RAPGEF4: variants seen among roughly 807,000 people sequenced by gnomAD.
RAPGEF4 encodes the protein Rap guanine nucleotide exchange factor 4.
In RAPGEF4, 66 loss-of-function variants were observed where a neutral mutation model predicts 147.9. That is an observed-to-expected ratio of 0.45 (90% CI 0.37 to 0.55). RAPGEF4 has a LOEUF of 0.55. RAPGEF4 is among the 20% of genes least tolerant of loss of function. RAPGEF4 has a pLI of 0.00. For missense variants in RAPGEF4, 1,071 were observed against 1,257.3 expected, an observed-to-expected ratio of 0.85 and a Z score of 2.24; for synonymous variants, 419 against 442.7, an observed-to-expected ratio of 0.95 and a Z score of 0.67.
intron 29 of RAPGEF4, among the ~76,000 whole-genome samples, chr2:173,037,165 G>A (rs1684134356): frequency 6.6e-6 from 1 of 152,188 alleles, no homozygotes; most frequent in African/African-American, 2.4e-5. Context: ...GTTCAGAGAA[G>A]GAACATGAAA....
intron 11 of RAPGEF4, 140 bp downstream of exon 11, chr2:172,983,720 T>C (rs1018164862): frequency 7.1e-7 from 1 of 1,412,242 alleles, no homozygotes; most frequent in Non-Finnish European, 9.2e-7. Flanking sequence ...TCTTACGAGA[T>C]GCTGAGGAAG....
At chr2:172,793,171 G>T (rs1055672483) in intron 1 of RAPGEF4, among the ~76,000 whole-genome samples, 3 of 152,152 alleles carry the variant, frequency 2.0e-5, no homozygotes, top group Non-Finnish European at 4.4e-5. Flanking sequence ...CCAAATGGCT[G>T]TTTTCCCGGT....
At chr2:172,979,943 G>C (rs370533520) in intron 10 of RAPGEF4, among the ~76,000 whole-genome samples, 10 of 152,340 alleles carry the variant, frequency 6.6e-5, no homozygotes, top group African/African-American at 2.2e-4. Context: ...CTTAAACTCG[G>C]GGGGCAGAGC....
Position 173,051,805 on chromosome 2 carries a change from C to T in RAPGEF4, c.*38C>T. 1 of 1,605,208 alleles carries T rather than the reference C, an allele frequency of 6.2e-7. No homozygotes were observed. The highest frequency in any genetic ancestry group is 8.5e-7 in the Non-Finnish European group (1 of 1,173,968). ...CCCAAAGCAACAGTTTGTCTCCAGT[C>T]CACAATCTTTCAAAAATGCCATTTA... On this transcript the variant is annotated 3_prime_UTR_variant, in exon 31 of 31. Transcript: ENST00000397081.
chr2:172,804,073 G>T (rs1313293121), intron 3 of RAPGEF4, among the ~76,000 whole-genome samples: 1 of 151,914 alleles, frequency 6.6e-6, no homozygotes, highest in Non-Finnish European at 1.5e-5. Flanking sequence ...GATTTGGGTG[G>T]GGACACAGCC....
rs117773833 is a variant in RAPGEF4 at position 172,846,848 on chromosome 2, A to G, written c.444+32423A>G. 6.8e-4 allele frequency among the ~76,000 whole-genome samples: 104 copies of G among 152,230 alleles called. 5 individuals are homozygous for G. The East Asian group carries it at 0.013, about 18-fold the overall frequency. The stretch of plus-strand genomic sequence containing the variant: ...GGTTTTTCAGTCTGCTCCCCTGACT[A>G]TGCCCCTCCACAGATGCTCTGTGCT... On this transcript the variant is annotated intron_variant, in intron 4 of 30. Transcript: ENST00000397081.
At position 173,027,038 on chromosome 2, in the gene RAPGEF4, A is replaced by G. The variant is rs1371947632; in HGVS notation, c.2380-43A>G. Reference sequence around the variant, plus strand: ...AATAGAGAAACCTGCTGGTGTTTTGATTTAAAAAAAAATAAGCAAAATTGT... The same window carrying G: ...AATAGAGAAACCTGCTGGTGTTTTGGTTTAAAAAAAAATAAGCAAAATTGT... On this transcript the variant is annotated intron_variant, in intron 24 of 30. Transcript: ENST00000397081. 3.3e-6 allele frequency: 5 copies of G among 1,512,728 alleles called. No individual in the cohort carries two copies. The Admixed American group carries it at 1.1e-4, about 33-fold the overall frequency. 93.7% of individuals were successfully genotyped at this position (1,512,728 alleles called of 1,614,324 possible).
At chr2:173,005,607 C>T (rs1694391680) in intron 17 of RAPGEF4, among the ~76,000 whole-genome samples, 1 of 144,618 alleles carries the variant, frequency 6.9e-6, no homozygotes, top group Non-Finnish European at 1.5e-5. Flanking sequence ...ACTGCAACCT[C>T]CGCCTCCTGG....
chr2:173,049,359 G>GTGGA (rs1685917433), intron 30 of RAPGEF4, among the ~76,000 whole-genome samples: 1 of 152,162 alleles, frequency 6.6e-6, no homozygotes, highest in Admixed American at 6.5e-5. Context: ...GGTGGTGGGG[G>GTGGA]TGGAGCTTTG....
At chr2:172,933,992 T>C (rs1440176439) in intron 6 of RAPGEF4, among the ~76,000 whole-genome samples, 1 of 152,138 alleles carries the variant, frequency 6.6e-6, no homozygotes. Flanking sequence ...AATCATTCTT[T>C]TTACAGTTTC....
intron 16 of RAPGEF4, among the ~76,000 whole-genome samples, chr2:172,997,913 C>T (rs1240281165): frequency 6.6e-6 from 1 of 152,134 alleles, no homozygotes; most frequent in East Asian, 1.9e-4. Context: ...TCATTTTATA[C>T]ATAGATTACC....
chr2:172,848,499 G>T (rs1170679882), intron 4 of RAPGEF4, among the ~76,000 whole-genome samples: 5 of 152,296 alleles, frequency 3.3e-5, no homozygotes, highest in South Asian at 2.1e-4. Context: ...TGTTCAAAGT[G>T]TTACTGTGTC....
intron 10 of RAPGEF4, among the ~76,000 whole-genome samples, chr2:172,974,288 A>C (rs566712421): frequency 6.6e-6 from 1 of 152,326 alleles, no homozygotes; most frequent in African/African-American, 2.4e-5. Context: ...TTTACTGTGC[A>C]CTACCATAAC....
intron 10 of RAPGEF4, among the ~76,000 whole-genome samples, chr2:172,970,315 T>C (rs1277752996): frequency 6.6e-6 from 1 of 151,972 alleles, no homozygotes; most frequent in Non-Finnish European, 1.5e-5. Context: ...AGCACTTCAC[T>C]CCTGGAAACT....
At chr2:172,967,521 A>G (rs1311127050) in intron 10 of RAPGEF4, 77 bp downstream of exon 10, 1 of 1,444,998 alleles carries the variant, frequency 6.9e-7, no homozygotes, top group African/African-American at 1.4e-5. Context: ...GGAGAGACAC[A>G]AGGCTGCTCT....
chr2:172,782,525 G>A (rs1463478496), intron 1 of RAPGEF4, among the ~76,000 whole-genome samples: 4 of 152,114 alleles, frequency 2.6e-5, no homozygotes, highest in Non-Finnish European at 5.9e-5. Context: ...GCCCTCCGTG[G>A]GCTCTCCTAC....
chr2:172,749,462 C>A (rs1695067284), intron 1 of RAPGEF4, among the ~76,000 whole-genome samples: 1 of 152,198 alleles, frequency 6.6e-6, no homozygotes, highest in South Asian at 2.1e-4. Context: ...TGTACCTCGG[C>A]CCCTTTTAGC....
chr2:173,009,685 A>G (rs1187972784), intron 17 of RAPGEF4, among the ~76,000 whole-genome samples: 1 of 152,244 alleles, frequency 6.6e-6, no homozygotes, highest in Non-Finnish European at 1.5e-5. Flanking sequence ...TGGAATTTGA[A>G]TGATCAGATT....
chr2:173,038,726 A>G (rs1212679469), intron 29 of RAPGEF4, among the ~76,000 whole-genome samples: 1 of 152,176 alleles, frequency 6.6e-6, no homozygotes, highest in Non-Finnish European at 1.5e-5. Flanking sequence ...CATTCTGCAC[A>G]TGTATCCTGG....
Sources: allele counts gnomAD v4.1 joint callset (sites outside exome capture counted in the v4.1 genomes callset), GRCh38; gene constraint gnomAD v4.1.1; transcripts MANE v1.5; gene names NCBI Gene and HGNC (gene_info 2026-07-23, HGNC 2026-07-21).